The following AKAP11 variants were observed in gnomAD, a reference collection of about 807,000 sequenced individuals.
The protein encoded by AKAP11 is A-kinase anchor protein 11.
In AKAP11, 36 loss-of-function variants were observed where a neutral mutation model predicts 146.1. That is an observed-to-expected ratio of 0.25 (90% CI 0.19 to 0.33). AKAP11 has a LOEUF of 0.33. AKAP11 is among the 10% of genes least tolerant of loss of function. The probability of loss-of-function intolerance (pLI) is 1.00; values close to 1 mark genes in which losing one functional copy is unlikely to be tolerated. For missense variants in AKAP11, 2,201 were observed against 2,197.0 expected, an observed-to-expected ratio of 1.00 and a Z score of -0.04; for synonymous variants, 780 against 786.5, an observed-to-expected ratio of 0.99 and a Z score of 0.14.
chr13:42,302,519 A>G lies in AKAP11; in HGVS notation c.3773A>G (p.Asn1258Ser). 4 of 1,614,146 alleles carry G rather than the reference A, an allele frequency of 2.5e-6. No homozygotes were observed. The highest frequency in any genetic ancestry group is 2.5e-6 in the Non-Finnish European group (3 of 1,180,022). Residue 1258 changes from asparagine (N) to serine (S), a missense_variant, in exon 8 of 13, where the codon AAT becomes AGT. Physicochemically the swap from Asn to Ser is conservative, Grantham distance 46 (BLOSUM62 1). Coordinates refer to ENST00000025301, the MANE Select transcript of AKAP11 (RefSeq NM_016248.4). ...PSDENLKTLC[N>S]FAGDLAAEVI... ...GACGAAAATTTGAAAACATTATGCA[A>G]TTTTGCGGGTGATCTGGCAGCAGAA...
intron 1 of AKAP11, among the ~76,000 whole-genome samples, chr13:42,275,115 T>G (rs1395805979): frequency 1.3e-5 from 2 of 152,238 alleles, no homozygotes; most frequent in East Asian, 3.8e-4. Context: ...ATTCAGCGTT[T>G]TGGGAACCAG....
intron 9 of AKAP11, among the ~76,000 whole-genome samples, chr13:42,310,587 T>A (rs970384980): frequency 6.6e-6 from 1 of 152,212 alleles, no homozygotes. Flanking sequence ...GCGCGGTGAT[T>A]CACGCCTGTA....
rs758888252 is a variant in AKAP11 at position 42,301,106 on chromosome 13, G to T, written c.2360G>T (p.Ser787Ile). The change falls in exon 8 of 13, where the codon AGT becomes ATT. Residue 787 changes from serine (S) to isoleucine (I), a missense_variant. This residue lies in a region of AKAP11 where 1,867 missense variants were observed against 1,833.5 expected (regional missense o/e 1.02). Transcript: ENST00000025301. Reference protein sequence around the residue: ...VTSIPVPLAGSALLPYHISST... With the variant: ...VTSIPVPLAGIALLPYHISST... Reference sequence around the variant, plus strand: ...TCTATACCGGTGCCCTTGGCAGGAAGTGCCCTTCTCCCATATCATATTTCA... The same window carrying T: ...TCTATACCGGTGCCCTTGGCAGGAATTGCCCTTCTCCCATATCATATTTCA... 6.2e-7 allele frequency: 1 copy of T among 1,614,068 alleles called. No individual in the cohort carries two copies. The highest frequency in any genetic ancestry group is 8.5e-7 in the Non-Finnish European group (1 of 1,179,954).
At chr13:42,280,610 A>G (rs1468121783) in intron 1 of AKAP11, among the ~76,000 whole-genome samples, 2 of 152,254 alleles carry the variant, frequency 1.3e-5, no homozygotes, top group Non-Finnish European at 2.9e-5. Flanking sequence ...TACATAAAAC[A>G]CTTTTGTCCT....
At chr13:42,278,681 T>A (rs1052362710) in intron 1 of AKAP11, among the ~76,000 whole-genome samples, 3 of 152,188 alleles carry the variant, frequency 2.0e-5, no homozygotes, top group Non-Finnish European at 4.4e-5. Flanking sequence ...TTTAACTGTT[T>A]AAAAGGGATT....
At position 42,297,121 on chromosome 13, in the gene AKAP11, A is replaced by G; in HGVS notation, c.290A>G (p.Glu97Gly). ...CACTTCTGCAGTCTAAATGAAAATG[A>G]AATTATTTGTATGAAGAATATAAAT... Reference protein sequence around the residue: ...SLHFCSLNENEIICMKNINKP... With the variant: ...SLHFCSLNENGIICMKNINKP... Residue 97 changes from glutamate to glycine, a missense_variant, in exon 6 of 13, where the codon GAA (glutamate) becomes GGA (glycine). Coordinates refer to ENST00000025301, the MANE Select transcript of AKAP11 (RefSeq NM_016248.4). The G allele has an allele frequency of 6.3e-7, 1 of 1,585,504 alleles. No homozygotes were observed. The highest frequency in any genetic ancestry group is 8.6e-7 in the Non-Finnish European group (1 of 1,164,794).
intron 1 of AKAP11, among the ~76,000 whole-genome samples, chr13:42,276,607 GCCTTCTGATTTA>G (rs1958925865): frequency 6.6e-6 from 1 of 152,114 alleles, no homozygotes; most frequent in South Asian, 2.1e-4. Context: ...AATTTGCAAA[GCCTTCTGATTTA>G]CCTTCTGATT....
In AKAP11 at chr13:42,299,953, T is replaced by G. The variant is rs769614924; in HGVS notation, c.1207T>G (p.Phe403Val). Residue 403 changes from phenylalanine to valine, a missense_variant, in exon 8 of 13, where the codon TTT becomes GTT. Coordinates refer to ENST00000025301, the MANE Select transcript of AKAP11 (RefSeq NM_016248.4). The part of the protein sequence containing the change: ...KSCMNPQKFK[F>V]DRPALPANVR... Reference sequence around the variant, plus strand: ...ATGTATGAATCCTCAAAAATTCAAGTTTGATCGTCCAGCTCTCCCAGCTAA... The same window carrying G: ...ATGTATGAATCCTCAAAAATTCAAGGTTGATCGTCCAGCTCTCCCAGCTAA... 6.2e-7 allele frequency: 1 copy of G among 1,613,966 alleles called. No individual in the cohort carries two copies. Among genetic ancestry groups the G allele is most frequent in the East Asian group, 2.2e-5 (1 of 44,870 alleles).
In AKAP11 at chr13:42,302,053, T is replaced by A. The variant is rs748471521; in HGVS notation, c.3307T>A (p.Ser1103Thr). ...AAATGTAATACCTGATACTCCTCCA[T>A]CAACTCCTCTAGTACCATCCCGGGC... The part of the protein sequence containing the change: ...DRNVIPDTPP[S>T]TPLVPSRASS... Residue 1103 changes from serine (S) to threonine (T), a missense_variant, in exon 8 of 13, where the codon TCA becomes ACA. Around this residue, in one of 3 missense-constraint regions of AKAP11, gnomAD observed 1,867 missense variants for 1,833.5 expected, o/e 1.02. Coordinates refer to ENST00000025301, the MANE Select transcript of AKAP11 (RefSeq NM_016248.4). 53 of 1,614,038 alleles carry A rather than the reference T, an allele frequency of 3.3e-5. No homozygotes were observed. The Admixed American group carries it at 4.8e-4, about 15-fold the overall frequency.
At chr13:42,279,049 T>G (rs1162675433) in intron 1 of AKAP11, among the ~76,000 whole-genome samples, 2 of 152,148 alleles carry the variant, frequency 1.3e-5, no homozygotes, top group Non-Finnish European at 2.9e-5. Flanking sequence ...GTGTACTTTT[T>G]TTCTGGTCAA....
At position 42,313,027 on chromosome 13, in the gene AKAP11, T is replaced by C; in HGVS notation, c.5274-20T>C. 1 of 1,605,028 alleles carries C rather than the reference T, an allele frequency of 6.2e-7. No homozygotes were observed. Among genetic ancestry groups the C allele is most frequent in the Non-Finnish European group, 8.5e-7 (1 of 1,172,592 alleles). On this transcript the variant is annotated intron_variant, in intron 9 of 12. Coordinates refer to ENST00000025301, the MANE Select transcript of AKAP11 (RefSeq NM_016248.4). Reference sequence around the variant, plus strand: ...CTATTCATTTTCTAGTTCAGCTCTGTTCTTTTCTTCCTCTGGCAGTAATGG... The same window carrying C: ...CTATTCATTTTCTAGTTCAGCTCTGCTCTTTTCTTCCTCTGGCAGTAATGG...
intron 6 of AKAP11, among the ~76,000 whole-genome samples, chr13:42,297,606 T>C (rs1358979161): frequency 6.6e-6 from 1 of 152,002 alleles, no homozygotes; most frequent in South Asian, 2.1e-4. Flanking sequence ...CCATGTAAAG[T>C]GGACATCTGA....
chr13:42,300,368 A>G lies in AKAP11; in HGVS notation c.1622A>G (p.Asn541Ser). 1 of 1,606,254 alleles carries G rather than the reference A, an allele frequency of 6.2e-7. No homozygotes were observed. The highest frequency in any genetic ancestry group is 8.5e-7 in the Non-Finnish European group (1 of 1,177,798). ...CTTGATCAAAAAAATAAATCTAAAA[A>G]TAAATCCTTAATGATTAAAGATAGC... is the stretch of plus-strand genomic sequence containing the variant. ...GNLDQKNKSK[N>S]KSLMIKDSIQ... Residue 541 changes from asparagine to serine, a missense_variant, in exon 8 of 13, where the codon AAT (asparagine) becomes AGT (serine). Physicochemically the swap from Asn to Ser is conservative, Grantham distance 46 (BLOSUM62 1). Coordinates refer to ENST00000025301, the MANE Select transcript of AKAP11 (RefSeq NM_016248.4).
chr13:42,304,806 A>G (rs1960166898), intron 8 of AKAP11, among the ~76,000 whole-genome samples: 1 of 150,854 alleles, frequency 6.6e-6, no homozygotes, highest in Non-Finnish European at 1.5e-5. Flanking sequence ...GCTGGAGTGC[A>G]GTGGCACAAT....
At position 42,299,785 on chromosome 13, in the gene AKAP11, G is replaced by A; in HGVS notation, c.1039G>A (p.Asp347Asn). 6.2e-7 allele frequency: 1 copy of A among 1,613,886 alleles called. No homozygotes were observed. The highest frequency in any genetic ancestry group is 8.5e-7 in the Non-Finnish European group (1 of 1,179,888). The change falls in exon 8 of 13, where the codon GAT becomes AAT. Residue 347 changes from aspartate (D) to asparagine (N), a missense_variant. Around this residue, in one of 3 missense-constraint regions of AKAP11, gnomAD observed 1,867 missense variants for 1,833.5 expected, o/e 1.02. Transcript: ENST00000025301. The part of the protein sequence containing the change: ...KIPVMKDDIE[D>N]SDSEVSEFFD... ...TCCTGTGATGAAAGATGATATAGAG[G>A]ATTCAGACTCAGAAGTAAGTGAATT...
At chr13:42,293,031 G>C (rs1490445332) in intron 4 of AKAP11, among the ~76,000 whole-genome samples, 1 of 151,958 alleles carries the variant, frequency 6.6e-6, no homozygotes, top group Non-Finnish European at 1.5e-5. Context: ...TCAAATCTTT[G>C]TTTGAATTTA....
At position 42,303,522 on chromosome 13, in the gene AKAP11, TAAAG is replaced by T. The variant is rs1566282361; in HGVS notation, c.4779_4782del (p.Lys1593AsnfsTer61). 1.2e-6 allele frequency: 2 copies of T among 1,614,220 alleles called. No homozygotes were observed. The highest frequency in any genetic ancestry group is 2.2e-5 in the East Asian group (1 of 44,890). ...GTCAAGCTTGCAGATACTGTGACCT[TAAAG>T]AACTCCACAATTGCACTGGAAATTC... is the stretch of plus-strand genomic sequence containing the variant. On this transcript the variant is annotated frameshift_variant, in exon 8 of 13. Coordinates refer to ENST00000025301, the MANE Select transcript of AKAP11 (RefSeq NM_016248.4). LOFTEE classifies it high-confidence loss of function.
Position 42,301,094 on chromosome 13 carries a change from C to T in AKAP11, c.2348C>T (p.Pro783Leu). The change falls in exon 8 of 13, where the codon CCC becomes CTC. Residue 783 changes from proline (P) to leucine (L), a missense_variant. By Grantham distance (98) the Pro-to-Leu change is moderately conservative. This residue lies in a region of AKAP11 where 1,867 missense variants were observed against 1,833.5 expected (regional missense o/e 1.02). Coordinates refer to ENST00000025301, the MANE Select transcript of AKAP11 (RefSeq NM_016248.4). ...TSGIVTSIPV[P>L]LAGSALLPYH... ...GGAATTGTTACTTCTATACCGGTGC[C>T]CTTGGCAGGAAGTGCCCTTCTCCCA... 6.2e-7 allele frequency: 1 copy of T among 1,614,002 alleles called. No homozygotes were observed. Among genetic ancestry groups the T allele is most frequent in the Non-Finnish European group, 8.5e-7 (1 of 1,179,936 alleles).
At chr13:42,297,533 A>G (rs1959589694) in intron 6 of AKAP11, among the ~76,000 whole-genome samples, 1 of 151,964 alleles carries the variant, frequency 6.6e-6, no homozygotes, top group Non-Finnish European at 1.5e-5. Context: ...TCAAATTTAT[A>G]TAAATGTTAC....
Sources: allele counts gnomAD v4.1 joint callset (sites outside exome capture counted in the v4.1 genomes callset), GRCh38; gene constraint gnomAD v4.1.1; regional missense constraint gnomAD v4.1.1; transcripts MANE v1.5; gene names NCBI Gene and HGNC (gene_info 2026-07-23, HGNC 2026-07-21).